FHOD3: variants seen among roughly 807,000 people sequenced by gnomAD.
FHOD3 encodes the protein formin homology 2 domain containing 3.
In FHOD3, 90 loss-of-function variants were observed where a neutral mutation model predicts 173.0. That is an observed-to-expected ratio of 0.52 (90% CI 0.44 to 0.62). FHOD3 has a LOEUF of 0.62. Ranked by LOEUF, FHOD3 falls within the 20% of genes least tolerant of loss-of-function variation. FHOD3 has a pLI of 0.00. For missense variants in FHOD3, 1,945 were observed against 2,034.7 expected (o/e 0.96, Z 0.85); for synonymous variants, 828 against 823.0 (o/e 1.01, Z -0.10).
chr18:36,353,500 T>C (rs887986769), intron 1 of FHOD3, among the ~76,000 whole-genome samples: 1 of 152,212 alleles, frequency 6.6e-6, no homozygotes, highest in Non-Finnish European at 1.5e-5. Flanking sequence ...ATCTCACTTA[T>C]AGCAGATTAT....
At position 36,625,693 on chromosome 18, in the gene FHOD3, C is replaced by A. The variant is rs1028431459; in HGVS notation, c.1140C>A (p.Pro380=). ...GCACCCTGTCGGCCCCCACCAGTCC[C>A]TGCTCCCAGTCAGCTCCCAGCTTCA... ...IKSTLSAPTS[P]CSQSAPSFKP... The change falls in exon 10 of 29, where the codon CCC becomes CCA. Residue 380 remains proline (P), a synonymous_variant. Transcript: ENST00000590592. 3 of 1,610,816 alleles carry A rather than the reference C, an allele frequency of 1.9e-6. No homozygotes were observed. The African/African-American group carries it at 4.0e-5, about 22-fold the overall frequency.
rs534440841 is a variant in FHOD3, at chr18:36,597,165, G to A, written c.718+2267G>A. Among the ~76,000 whole-genome samples the A allele has an allele frequency of 7.2e-5, 11 of 152,244 alleles. 1 individual carries two copies. The highest frequency in any genetic ancestry group is 1.7e-4 in the African/African-American group (7 of 41,536). ...TTTGGCTTTGCTGAGCTTCCAGCTC[G>A]GAGTTCCCTTCCTTGAACTTCATAT... On this transcript the variant is annotated intron_variant, in intron 7 of 28. Coordinates refer to ENST00000590592, the MANE Select transcript of FHOD3 (RefSeq NM_001281740.3).
At chr18:36,318,904 C>T (rs1453648910) in intron 1 of FHOD3, among the ~76,000 whole-genome samples, 2 of 152,092 alleles carry the variant, frequency 1.3e-5, no homozygotes, top group Non-Finnish European at 2.9e-5. Context: ...TCCATTAATA[C>T]CTAGTTTACT....
rs552805612 is a variant in FHOD3, at chr18:36,520,363, A to G, written c.511+7820A>G. Among the ~76,000 whole-genome samples the G allele has an allele frequency of 4.2e-3, 646 of 152,344 alleles. 3 individuals carry two copies. Among genetic ancestry groups the G allele is most frequent in the African/African-American group, 0.015 (606 of 41,576 alleles). On this transcript the variant is annotated intron_variant, in intron 5 of 28. Coordinates refer to ENST00000590592, the MANE Select transcript of FHOD3 (RefSeq NM_001281740.3). ...AATACTTCATGTAGAGCATCTTTCTAAAGAAAGACTAGGTAGCCCTGGCAA... is the reference window on the plus strand; with the variant it reads ...AATACTTCATGTAGAGCATCTTTCTGAAGAAAGACTAGGTAGCCCTGGCAA...
At chr18:36,437,145 G>T (rs569335899) in intron 3 of FHOD3, among the ~76,000 whole-genome samples, 123 of 152,144 alleles carry the variant, frequency 8.1e-4, no homozygotes, top group Non-Finnish European at 1.3e-3. Flanking sequence ...TTGAGACAGG[G>T]TCTCACTCTG....
chr18:36,593,980 A>T (rs914086188), intron 6 of FHOD3, among the ~76,000 whole-genome samples: 9 of 152,178 alleles, frequency 5.9e-5, no homozygotes, highest in Admixed American at 2.0e-4. Context: ...AAGGAAGTGG[A>T]GTCAAGGGCA....
At chr18:36,603,500 T>C (rs2148499399) in intron 8 of FHOD3, among the ~76,000 whole-genome samples, 1 of 150,972 alleles carries the variant, frequency 6.6e-6, no homozygotes, top group East Asian at 1.9e-4. Context: ...ATAATAATAA[T>C]AATATATTAT....
chr18:36,657,619 A>G (rs1478804782), intron 13 of FHOD3, among the ~76,000 whole-genome samples: 2 of 152,224 alleles, frequency 1.3e-5, no homozygotes, highest in East Asian at 1.9e-4. Context: ...TGAAATTGAT[A>G]TGGAAATACT....
chr18:36,491,712 G>A (rs2054482744), intron 3 of FHOD3, among the ~76,000 whole-genome samples: 1 of 148,730 alleles, frequency 6.7e-6, no homozygotes, highest in South Asian at 2.1e-4. Context: ...ACTTTTTAGA[G>A]GAACAGCATC....
intron 10 of FHOD3, among the ~76,000 whole-genome samples, chr18:36,642,427 G>A (rs1212595966): frequency 6.6e-6 from 1 of 151,954 alleles, no homozygotes; most frequent in Non-Finnish European, 1.5e-5. Context: ...AGACCATCCT[G>A]GCTAACACGG....
At position 36,639,658 on chromosome 18, in the gene FHOD3, A is replaced by G. The variant is rs1468279552; in HGVS notation, c.1197-9658A>G. 3.0e-5 allele frequency among the ~76,000 whole-genome samples: 4 copies of G among 134,916 alleles called. No homozygotes were observed. In the South Asian group the frequency reaches 7.2e-4, roughly 24 times the overall value. 88.5% of individuals were successfully genotyped at this position (134,916 alleles called of 152,430 possible). ...AGCCTGGGCGACAGAGCGAGACTCC[A>G]TCTCAAAAAAAAAAAAAAGCTGGGC... On this transcript the variant is annotated intron_variant, in intron 10 of 28. Transcript: ENST00000590592.
At chr18:36,655,127 T>C (rs535717891) in intron 13 of FHOD3, among the ~76,000 whole-genome samples, 1 of 151,354 alleles carries the variant, frequency 6.6e-6, no homozygotes, top group Non-Finnish European at 1.5e-5. Flanking sequence ...AAACTACAAG[T>C]TCTCTGCAGG....
intron 3 of FHOD3, among the ~76,000 whole-genome samples, chr18:36,429,823 G>A (rs1446917969): frequency 6.6e-6 from 1 of 152,078 alleles, no homozygotes; most frequent in Non-Finnish European, 1.5e-5. Context: ...GCACTAGGGA[G>A]GAATCTTGTT....
chr18:36,502,135 AC>A, intron 4 of FHOD3, 136 bp downstream of exon 4: 1 of 460,378 alleles, frequency 2.2e-6, no homozygotes, highest in Non-Finnish European at 3.9e-6. Flanking sequence ...ATTACAATAT[AC>A]ATTAGGTCAT....
intron 3 of FHOD3, among the ~76,000 whole-genome samples, chr18:36,397,124 A>G (rs1445786088): frequency 6.6e-6 from 1 of 152,232 alleles, no homozygotes; most frequent in African/African-American, 2.4e-5. Context: ...CAGATCTTTT[A>G]GTCCAAACCA....
intron 3 of FHOD3, among the ~76,000 whole-genome samples, chr18:36,418,068 T>A (rs1343737013): frequency 6.6e-6 from 1 of 152,174 alleles, no homozygotes; most frequent in Non-Finnish European, 1.5e-5. Context: ...GCAATCATAG[T>A]GTTTGGTTTT....
chr18:36,625,472 C>A, intron 9 of FHOD3, 39 bp from the exon 10 acceptor site: 1 of 1,372,050 alleles, frequency 7.3e-7, no homozygotes, highest in Non-Finnish European at 9.5e-7. Flanking sequence ...GAAAGGATGC[C>A]AAGCCTGACC....
In FHOD3 at chr18:36,308,217, A is replaced by AT. The variant is rs1184518306; in HGVS notation, c.165+10223dup. Among the ~76,000 whole-genome samples the AT allele has an allele frequency of 2.6e-5, 4 of 152,282 alleles. No homozygotes were observed. The East Asian group carries it at 5.8e-4, about 22-fold the overall frequency. ...AATACATACCTGCAGAAAAATAAATATTTTTTCTCATATTTGATTACTTCC... is the reference window on the plus strand; with the variant it reads ...AATACATACCTGCAGAAAAATAAATATTTTTTTCTCATATTTGATTACTTCC... On this transcript the variant is annotated intron_variant, in intron 1 of 28. Transcript: ENST00000590592.
intron 5 of FHOD3, 25 bp downstream of exon 5, chr18:36,512,568 A>C: frequency 6.7e-7 from 1 of 1,483,928 alleles, no homozygotes; most frequent in Non-Finnish European, 9.4e-7. Context: ...GGCATGCAGC[A>C]GCTGCCCCAG....
Sources: gnomAD v4.1 joint callset for allele counts (sites outside exome capture counted in the v4.1 genomes callset) on GRCh38, gnomAD v4.1.1 for gene constraint, MANE v1.5 for transcripts, NCBI Gene and HGNC (gene_info 2026-07-23, HGNC 2026-07-21) for gene names.